Variants in WDFY3 observed in about 807,000 individuals in gnomAD.
The protein encoded by WDFY3 is WD repeat and FYVE domain containing 3.
Under a neutral mutation model 409.6 loss-of-function variants are expected in WDFY3, and 66 were observed. The observed-to-expected ratio is 0.16, with a 90% CI of 0.13 to 0.20. The LOEUF (loss-of-function observed/expected upper bound fraction) is 0.20. Ranked by LOEUF, WDFY3 falls within the 10% of genes least tolerant of loss-of-function variation. WDFY3 has a pLI of 1.00. For missense variants in WDFY3, 3,031 were observed against 4,298.1 expected, an observed-to-expected ratio of 0.71 and a Z score of 8.24; for synonymous variants, 1,521 against 1,537.1, an observed-to-expected ratio of 0.99 and a Z score of 0.25.
rs1378866375 is a variant in WDFY3, at chr4:84,678,960, G to A, written c.10106C>T (p.Pro3369Leu). 4.3e-6 allele frequency: 7 copies of A among 1,614,150 alleles called. 1 individual carries two copies. The South Asian group carries it at 4.4e-5, about 10-fold the overall frequency. ...HLQGPLSHPH[P>L]NPIEVRNYSR... is the part of the protein sequence containing the mutation. ...GTAATTCCGCACCTCAATGGGATTG[G>A]GGTGGGGGTGGCTAAGGGGGCCCTG... is the stretch of plus-strand genomic sequence containing the variant. Residue 3369 changes from proline to leucine, a missense_variant, in exon 65 of 68, where the codon CCC becomes CTC. Physicochemically the swap from Pro to Leu is moderately conservative, Grantham distance 98. Coordinates refer to ENST00000295888, the MANE Select transcript of WDFY3 (RefSeq NM_014991.6).
intron 6 of WDFY3, among the ~76,000 whole-genome samples, chr4:84,839,790 G>A (rs1283979689): frequency 1.3e-5 from 2 of 151,946 alleles, no homozygotes; most frequent in African/African-American, 2.4e-5. Flanking sequence ...TCTGGGAGGC[G>A]GAGGTTGCAG....
chr4:84,957,786 G>C (rs979919580), intron 1 of WDFY3, among the ~76,000 whole-genome samples: 2 of 152,112 alleles, frequency 1.3e-5, no homozygotes, highest in Non-Finnish European at 2.9e-5. Context: ...CTTATTTCTG[G>C]TGCTGGGCTT....
At chr4:84,804,989 A>G (rs1751271864) in intron 15 of WDFY3, among the ~76,000 whole-genome samples, 1 of 152,204 alleles carries the variant, frequency 6.6e-6, no homozygotes, top group South Asian at 2.1e-4. Context: ...GAAATGCTCC[A>G]AAATCCAAAA....
intron 21 of WDFY3, among the ~76,000 whole-genome samples, chr4:84,793,583 G>A (rs1480890631): frequency 6.6e-6 from 1 of 152,200 alleles, no homozygotes; most frequent in Non-Finnish European, 1.5e-5. Context: ...GAAAGCGATT[G>A]AAGGAAATTG....
At chr4:84,828,923 TA>T in intron 9 of WDFY3, 80 bp downstream of exon 9, 1 of 1,381,806 alleles carries the variant, frequency 7.2e-7, no homozygotes, top group Non-Finnish European at 9.6e-7. Flanking sequence ...GCTTTTCCTA[TA>T]ACCCCAAATC....
At position 84,873,902 on chromosome 4, in the gene WDFY3, C is replaced by T. The variant is rs1258221046; in HGVS notation, c.-31-13280G>A. On this transcript the variant is annotated intron_variant, in intron 3 of 67. Coordinates refer to ENST00000295888, the MANE Select transcript of WDFY3 (RefSeq NM_014991.6). ...TACTTAGGTAATTCTCCTGTCTCGG[C>T]CTCCCTAGTACAAGGCTACAGGCAT... Among the ~76,000 whole-genome samples the T allele has an allele frequency of 4.6e-5, 7 of 151,884 alleles. No individual in the cohort carries two copies. In the East Asian group the frequency reaches 1.2e-3, roughly 26 times the overall value.
At chr4:84,940,281 A>G (rs1057203275) in intron 1 of WDFY3, among the ~76,000 whole-genome samples, 2 of 152,152 alleles carry the variant, frequency 1.3e-5, no homozygotes, top group African/African-American at 4.8e-5. Context: ...ATATGGTTAT[A>G]GTTATAGCAC....
intron 25 of WDFY3, among the ~76,000 whole-genome samples, chr4:84,781,063 C>G (rs987080531): frequency 6.6e-6 from 1 of 152,070 alleles, no homozygotes; most frequent in Admixed American, 6.6e-5. Context: ...GAGAAGCTAT[C>G]CTGGCGGGGA....
At chr4:84,729,452 A>G (rs1736209289) in intron 44 of WDFY3, among the ~76,000 whole-genome samples, 1 of 151,940 alleles carries the variant, frequency 6.6e-6, no homozygotes, top group Non-Finnish European at 1.5e-5. Flanking sequence ...ATATGAGAAT[A>G]CAGAATTTTC....
At chr4:84,836,206 T>TC (rs1205607336) in intron 7 of WDFY3, among the ~76,000 whole-genome samples, 1 of 152,208 alleles carries the variant, frequency 6.6e-6, no homozygotes, top group African/African-American at 2.4e-5. Flanking sequence ...TACTTTCTGT[T>TC]CCACCTGTAT....
intron 15 of WDFY3, among the ~76,000 whole-genome samples, chr4:84,805,448 G>A (rs545023273): frequency 6.6e-5 from 10 of 152,110 alleles, no homozygotes; most frequent in African/African-American, 2.4e-4. Flanking sequence ...CTAAAATTAG[G>A]TGTATTACAA....
rs1027457881 is a variant in WDFY3 at position 84,797,106 on chromosome 4, T to C, written c.2936-354A>G. On this transcript the variant is annotated intron_variant, in intron 18 of 67. Transcript: ENST00000295888. ...TTTTATTTCATAAAACTATGATTTA[T>C]TAATTCTCTTTGAGGGAAAAGTAAA... Among the ~76,000 whole-genome samples the C allele has an allele frequency of 2.6e-5, 4 of 152,202 alleles. No individual in the cohort carries two copies. The East Asian group carries it at 7.7e-4, about 29-fold the overall frequency.
chr4:84,929,477 C>G (rs189132549), intron 2 of WDFY3, among the ~76,000 whole-genome samples: 27 of 151,308 alleles, frequency 1.8e-4, no homozygotes, highest in Admixed American at 1.2e-3. Flanking sequence ...GCGCCCCCCC[C>G]CCCAAATTCA....
chr4:84,745,112 T>C (rs1303384552), intron 36 of WDFY3, among the ~76,000 whole-genome samples: 1 of 152,116 alleles, frequency 6.6e-6, no homozygotes, highest in African/African-American at 2.4e-5. Context: ...ATTCTACTTG[T>C]AATTAGGGTA....
intron 36 of WDFY3, among the ~76,000 whole-genome samples, chr4:84,746,145 CAAAAAAAAAAA>C (rs761664622): frequency 1.8e-4 from 11 of 60,634 alleles, no homozygotes; most frequent in Admixed American, 3.8e-4. Flanking sequence ...CTGTCTCTAC[CAAAAAAAAAAA>C]AAAAAAAAAA....
At chr4:84,800,832 G>A (rs575872869) in intron 17 of WDFY3, among the ~76,000 whole-genome samples, 4 of 152,244 alleles carry the variant, frequency 2.6e-5, no homozygotes, top group South Asian at 4.1e-4. Flanking sequence ...ACGCTCCTAT[G>A]AGTATCTAAT....
rs1237093226 is a variant in WDFY3, at chr4:84,737,383, C to A, written c.6575-17G>T. ...GCTGACGCCCTAGTAAACAAACAAA[C>A]AAACAAACAAAAAAGTAAGCAAATG... On this transcript the variant is annotated splice_polypyrimidine_tract_variant and intron_variant, in intron 40 of 67. Coordinates refer to ENST00000295888, the MANE Select transcript of WDFY3 (RefSeq NM_014991.6). 7 of 1,526,026 alleles carry A rather than the reference C, an allele frequency of 4.6e-6. No homozygotes were observed. Among genetic ancestry groups the A allele is most frequent in the Admixed American group, 2.3e-5 (1 of 44,280 alleles). The allele number at this position is 1,526,026 out of a possible 1,614,324, so 94.5% of individuals were successfully genotyped here. A position where few individuals can be genotyped will look rare whatever the true frequency, so the allele number is the denominator to read the frequency against.
intron 2 of WDFY3, among the ~76,000 whole-genome samples, chr4:84,918,450 T>C (rs548043968): frequency 3.9e-5 from 6 of 152,274 alleles, no homozygotes; most frequent in African/African-American, 1.4e-4. Context: ...CAATATGCTA[T>C]CTTTTGTGTT....
intron 2 of WDFY3, among the ~76,000 whole-genome samples, chr4:84,904,833 C>T (rs1291533008): frequency 6.6e-6 from 1 of 152,220 alleles, no homozygotes; most frequent in Admixed American, 6.5e-5. Context: ...CATTTGGTCA[C>T]TTACAGATGT....
Sources: allele counts gnomAD v4.1 joint callset (sites outside exome capture counted in the v4.1 genomes callset), GRCh38; gene constraint gnomAD v4.1.1; transcripts MANE v1.5; gene names NCBI Gene and HGNC (gene_info 2026-07-23, HGNC 2026-07-21).